LARP1: variants seen among roughly 807,000 people sequenced by gnomAD.
LARP1 encodes La ribonucleoprotein 1, translational regulator, also known as la-related protein 1.
A neutral mutation model predicts 122.7 loss-of-function variants in LARP1; 36 were observed. That is an observed-to-expected ratio of 0.29 (90% confidence interval 0.22 to 0.39). LARP1 has a LOEUF of 0.39. LARP1 is among the 10% of genes least tolerant of loss of function. The pLI is 1.00. For missense variants in LARP1, 1,040 were observed against 1,403.6 expected (o/e 0.74, Z 4.14); for synonymous variants, 539 against 528.7 (o/e 1.02, Z -0.27).
chr5:154,695,311 CAAAAAA>C (rs1467096189), intron 1 of LARP1, among the ~76,000 whole-genome samples: 9 of 150,348 alleles, frequency 6.0e-5, no homozygotes, highest in Admixed American at 6.0e-4. Context: ...GACTCCGTCT[CAAAAAA>C]AGAAAAAAAA....
intron 1 of LARP1, among the ~76,000 whole-genome samples, chr5:154,695,486 G>A (rs1042610491): frequency 1.3e-5 from 2 of 151,692 alleles, no homozygotes; most frequent in Non-Finnish European, 2.9e-5. Flanking sequence ...GTGAAACCCC[G>A]TCTCTACTAA....
At chr5:154,752,419 T>G (rs1021320310), upstream of LARP1, among the ~76,000 whole-genome samples, 1 of 151,806 alleles carries the variant, frequency 6.6e-6, no homozygotes, top group Non-Finnish European at 1.5e-5. Context: ...ATTTTTGTAT[T>G]TTTAGTACAG....
chr5:154,757,651 T>C lies in LARP1; in HGVS notation c.436+1458T>C, dbSNP rs1239926687. Among the ~76,000 whole-genome samples, 4 of 152,134 alleles carry C rather than the reference T, an allele frequency of 2.6e-5. No homozygotes were observed. The East Asian group carries it at 7.7e-4, about 29-fold the overall frequency. Reference sequence around the variant, plus strand: ...ACCGTCAAAGGAGTAGAAGCACTGCTAGTCCTAGGGAAGCCAGAATAGCCA... The same window carrying C: ...ACCGTCAAAGGAGTAGAAGCACTGCCAGTCCTAGGGAAGCCAGAATAGCCA... On this transcript the variant is annotated intron_variant, in intron 1 of 18. Transcript: ENST00000518297.
chr5:154,755,935 T>A lies in LARP1; in HGVS notation c.178T>A (p.Cys60Ser). 1 of 1,000,692 alleles carries A rather than the reference T, an allele frequency of 1.0e-6. No homozygotes were observed. Among genetic ancestry groups the A allele is most frequent in the Non-Finnish European group, 1.2e-6 (1 of 840,494 alleles). 62.0% of individuals were successfully genotyped at this position (1,000,692 alleles called of 1,614,324 possible). ...DGSARRPRPP[C>S]AKPHKEGTGQ... ...CAGCGCTCGGAGACCCCGGCCGCCC[T>A]GCGCCAAGCCGCACAAGGAGGGCAC... Residue 60 changes from cysteine to serine, a missense_variant, in exon 1 of 19, where the codon TGC (cysteine) becomes AGC (serine). Coordinates refer to ENST00000518297, the MANE Select transcript of LARP1 (RefSeq NM_033551.3).
At chr5:154,732,181 A>G (rs542385035) in intron 1 of LARP1, among the ~76,000 whole-genome samples, 1,143 of 45,788 alleles carry the variant, frequency 0.025, 10 homozygotes, top group African/African-American at 0.048. Context: ...AAACAAAACA[A>G]AACAAAACAA....
At chr5:154,729,583 A>T in intron 1 of LARP1, 1 of 436,612 alleles carries the variant, frequency 2.3e-6, no homozygotes, top group Non-Finnish European at 4.5e-6. Flanking sequence ...CCAAAGAGAA[A>T]GGTACCTGGG....
intron 17 of LARP1, 41 bp downstream of exon 17, chr5:154,811,397 AG>A: frequency 6.2e-7 from 1 of 1,608,226 alleles, no homozygotes; most frequent in Non-Finnish European, 8.5e-7. Context: ...CTGGTCATGT[AG>A]GCCTCCTCTT....
At chr5:154,781,737 A>AT (rs1282223284) in intron 1 of LARP1, among the ~76,000 whole-genome samples, 1 of 152,216 alleles carries the variant, frequency 6.6e-6, no homozygotes, top group Non-Finnish European at 1.5e-5. Flanking sequence ...TTCTTAAAAC[A>AT]TTGAGATTTT....
chr5:154,689,637 G>GAAAGA (rs1048358984), intron 1 of LARP1, among the ~76,000 whole-genome samples: 1 of 142,380 alleles, frequency 7.0e-6, no homozygotes, highest in Non-Finnish European at 1.5e-5. Flanking sequence ...AAAAAAAAAA[G>GAAAGA]AAAGAAAAGA....
rs76466745 is a variant in LARP1, at chr5:154,732,622, C to T, written c.205+19492C>T. ...ATTGCTCTTCAAGATCTTTTCCAGCCCTGTGTTTGGAATTCCCAGATTTAG... is the reference window on the plus strand; with the variant it reads ...ATTGCTCTTCAAGATCTTTTCCAGCTCTGTGTTTGGAATTCCCAGATTTAG... On this transcript the variant is annotated intron_variant, in intron 1 of 18. Transcript: ENST00000336314. Among the ~76,000 whole-genome samples the T allele has an allele frequency of 8.9e-3, 1,348 of 152,174 alleles. 11 individuals carry two copies. Among genetic ancestry groups the T allele is most frequent in the African/African-American group, 0.031 (1,289 of 41,506 alleles).
chr5:154,758,152 A>G (rs565989639), intron 1 of LARP1, among the ~76,000 whole-genome samples: 64 of 151,868 alleles, frequency 4.2e-4, no homozygotes, highest in African/African-American at 1.5e-3. Flanking sequence ...TTTTAAATCA[A>G]CCGTGACATC....
chr5:154,727,924 C>T (rs1756324534), intron 1 of LARP1, among the ~76,000 whole-genome samples: 3 of 151,996 alleles, frequency 2.0e-5, no homozygotes, highest in South Asian at 2.1e-4. Flanking sequence ...AAAAATTAGC[C>T]GGGCATGGTG....
rs144831872 is a variant in LARP1, at chr5:154,782,808, C to T, written c.437-7517C>T. On this transcript the variant is annotated intron_variant, in intron 1 of 18. Transcript: ENST00000518297. ...CAGAGAGGCCTCTGAGAGATGGTAC[C>T]GACAGCAGCAGCTGGTGACCAAGGT... Among the ~76,000 whole-genome samples, 403 of 152,254 alleles carry T rather than the reference C, an allele frequency of 2.6e-3. 2 individuals carry two copies. Among genetic ancestry groups the T allele is most frequent in the African/African-American group, 9.1e-3 (380 of 41,550 alleles).
rs558445110 is a variant in LARP1 at position 154,693,682 on chromosome 5, C to G, written c.-180+10645C>G. 2.3e-3 allele frequency among the ~76,000 whole-genome samples: 347 copies of G among 152,062 alleles called. 3 individuals are homozygous for G. Among genetic ancestry groups the G allele is most frequent in the African/African-American group, 7.8e-3 (323 of 41,474 alleles). On this transcript the variant is annotated intron_variant, in intron 1 of 18. Transcript: ENST00000687700. ...CATCCTGGCTAACACAATGAAACCCCGTCTCTACTAAAAAATACAAAAAAT... is the reference window on the plus strand; with the variant it reads ...CATCCTGGCTAACACAATGAAACCCGGTCTCTACTAAAAAATACAAAAAAT...
intron 14 of LARP1, chr5:154,805,637 T>A (rs574267839): frequency 2.2e-6 from 1 of 449,154 alleles, no homozygotes; most frequent in Non-Finnish European, 3.9e-6. Context: ...TTAAATAGTC[T>A]TATGACCCTG....
At chr5:154,709,596 AGATT>A, upstream of LARP1, among the ~76,000 whole-genome samples, 1 of 111,130 alleles carries the variant, frequency 9.0e-6, no homozygotes, top group East Asian at 2.9e-4. Flanking sequence ...CTCTCCAGTG[AGATT>A]TTTTTTTTTT....
At chr5:154,725,761 A>T (rs959900308) in intron 1 of LARP1, among the ~76,000 whole-genome samples, 6 of 152,144 alleles carry the variant, frequency 3.9e-5, no homozygotes, top group African/African-American at 1.4e-4. Context: ...TGGTAGTGTT[A>T]TGAGGCTGGG....
intron 17 of LARP1, 66 bp from the exon 18 acceptor site, chr5:154,811,447 A>C: frequency 6.2e-7 from 1 of 1,611,022 alleles, no homozygotes; most frequent in Non-Finnish European, 8.5e-7. Flanking sequence ...ATTACACAAC[A>C]CCTCCCTCTC....
chr5:154,803,883 C>A lies in LARP1; in HGVS notation c.2439+138C>A. 1.1e-6 allele frequency: 1 copy of A among 939,734 alleles called. No homozygotes were observed. The highest frequency in any genetic ancestry group is 1.6e-6 in the Non-Finnish European group (1 of 615,034). 58.2% of individuals were successfully genotyped at this position (939,734 alleles called of 1,614,324 possible). A position where few individuals can be genotyped will look rare whatever the true frequency, so the allele number is the denominator to read the frequency against. On this transcript the variant is annotated intron_variant, in intron 13 of 18. Coordinates refer to ENST00000518297, the MANE Select transcript of LARP1 (RefSeq NM_033551.3). The surrounding 1 kb of genome is among the most constrained non-coding windows in gnomAD (Gnocchi z 4.4). ...TGCTCTGTGTTCTGAGGCTGGTGGG[C>A]TTACCTAGGATTAGGTAGCCACATC...
Sources: allele counts gnomAD v4.1 joint callset (sites outside exome capture counted in the v4.1 genomes callset), GRCh38; gene constraint gnomAD v4.1.1; non-coding constraint Gnocchi (gnomAD v3.1); transcripts MANE v1.5; gene names NCBI Gene and HGNC (gene_info 2026-07-23, HGNC 2026-07-21).